Variants in PCCA observed in about 807,000 individuals in gnomAD.
The protein encoded by PCCA is propionyl-CoA carboxylase subunit alpha.
PCCA carries 74 observed loss-of-function variants against 101.3 expected under a neutral mutation model. The ratio of observed to expected loss-of-function variants is 0.73; its 90% CI spans 0.61 to 0.89. PCCA has a LOEUF of 0.89. Ranked by LOEUF, PCCA falls within the 40% of genes least tolerant of loss-of-function variation. PCCA has a pLI of 0.00. For synonymous variants in PCCA, 294 were observed against 313.6 expected, an observed-to-expected ratio of 0.94 and a Z score of 0.66; for missense variants, 891 against 907.0, an observed-to-expected ratio of 0.98 and a Z score of 0.23.
At chr13:100,483,554 A>G (rs183676548) in intron 21 of PCCA, among the ~76,000 whole-genome samples, 50 of 152,346 alleles carry the variant, frequency 3.3e-4, no homozygotes, top group Admixed American at 1.6e-3. Flanking sequence ...AGAATAAACT[A>G]TACCGCCCTC....
At chr13:100,458,215 C>T (rs1302984378) in intron 21 of PCCA, among the ~76,000 whole-genome samples, 1 of 151,498 alleles carries the variant, frequency 6.6e-6, no homozygotes, top group Admixed American at 6.6e-5. Context: ...TGGCTCATGC[C>T]TGTAATCCCA....
At chr13:100,348,149 G>T (rs1473773222) in intron 18 of PCCA, among the ~76,000 whole-genome samples, 8 of 152,148 alleles carry the variant, frequency 5.3e-5, no homozygotes, top group Admixed American at 2.0e-4. Context: ...TTTGTCATGG[G>T]TGTGTCCGTG....
intron 4 of PCCA, among the ~76,000 whole-genome samples, chr13:100,152,031 GACA>G (rs1007102958): frequency 1.1e-4 from 16 of 152,256 alleles, no homozygotes; most frequent in Admixed American, 1.0e-3. Context: ...ATACAACAAT[GACA>G]ACAAAATTGA....
chr13:100,247,515 CTTTT>C (rs147450398), intron 8 of PCCA, among the ~76,000 whole-genome samples: 7 of 123,664 alleles, frequency 5.7e-5, no homozygotes, highest in Non-Finnish European at 8.3e-5. Context: ...CGTGCCCGGC[CTTTT>C]TTTTTTTTTT....
chr13:100,140,869 G>A (rs1370520368), intron 4 of PCCA, among the ~76,000 whole-genome samples: 1 of 152,156 alleles, frequency 6.6e-6, no homozygotes, highest in African/African-American at 2.4e-5. Flanking sequence ...TGTATACTAT[G>A]TTGTGTATCC....
intron 4 of PCCA, among the ~76,000 whole-genome samples, chr13:100,125,982 T>C (rs1269639835): frequency 6.6e-6 from 1 of 152,140 alleles, no homozygotes; most frequent in African/African-American, 2.4e-5. Context: ...GCTGTAGTGT[T>C]AGTGGTGGGG....
chr13:100,355,726 C>T (rs2073891376), intron 18 of PCCA, among the ~76,000 whole-genome samples: 1 of 152,138 alleles, frequency 6.6e-6, no homozygotes, highest in East Asian at 1.9e-4. Context: ...AACTGATCTA[C>T]AGATTCAGCA....
At chr13:100,205,767 GT>G (rs2058814899) in intron 6 of PCCA, among the ~76,000 whole-genome samples, 1 of 151,980 alleles carries the variant, frequency 6.6e-6, no homozygotes, top group Admixed American at 6.6e-5. Flanking sequence ...TGGCATAGTC[GT>G]TTTTAAAGCA....
chr13:100,385,802 G>A (rs1048468010), intron 19 of PCCA, among the ~76,000 whole-genome samples: 52 of 152,146 alleles, frequency 3.4e-4, no homozygotes, highest in African/African-American at 1.2e-3. Context: ...TATAGAGACA[G>A]GGTTTCACCA....
At chr13:100,468,476 C>T (rs998898136) in intron 21 of PCCA, among the ~76,000 whole-genome samples, 6 of 152,348 alleles carry the variant, frequency 3.9e-5, no homozygotes, top group East Asian at 1.9e-4. Context: ...CCACCTTCAT[C>T]GGTGATCTTA....
rs182072969 is a variant in PCCA at position 100,143,257 on chromosome 13, C to T, written c.301-11722C>T. Among the ~76,000 whole-genome samples, 1,063 of 152,056 alleles carry T rather than the reference C, an allele frequency of 7.0e-3. 15 individuals are homozygous for T. The highest frequency in any genetic ancestry group is 0.015 in the African/African-American group (637 of 41,476). On this transcript the variant is annotated intron_variant, in intron 4 of 23. Coordinates refer to ENST00000376285, the MANE Select transcript of PCCA (RefSeq NM_000282.4). ...GAGTTAAAATATCTTTGGCCAGGTG[C>T]GGTGGCTCATGCCTGTAATCCCAGC...
intron 8 of PCCA, among the ~76,000 whole-genome samples, chr13:100,248,237 G>C (rs2061560376): frequency 6.6e-6 from 1 of 151,714 alleles, no homozygotes; most frequent in Non-Finnish European, 1.5e-5. Flanking sequence ...TCTACTTTTT[G>C]GGGGTTTTGT....
intron 4 of PCCA, chr13:100,151,103 T>TA (rs1360606758): frequency 7.5e-7 from 1 of 1,334,308 alleles, no homozygotes; most frequent in Non-Finnish European, 1.1e-6. Context: ...CATCTTGGCT[T>TA]ACCTGATGGC....
chr13:100,268,904 C>G, intron 11 of PCCA, 121 bp downstream of exon 11: 1 of 784,566 alleles, frequency 1.3e-6, no homozygotes, highest in Admixed American at 2.0e-5. Flanking sequence ...GTTGCCCAGG[C>G]AGTGGTGCAA....
At chr13:100,242,679 A>G (rs2061213079) in intron 8 of PCCA, among the ~76,000 whole-genome samples, 2 of 152,220 alleles carry the variant, frequency 1.3e-5, no homozygotes, top group African/African-American at 4.8e-5. Context: ...AATAACAAAC[A>G]GGAGCAATAT....
chr13:100,505,102 G>A (rs1376096817), intron 21 of PCCA, among the ~76,000 whole-genome samples: 4 of 152,132 alleles, frequency 2.6e-5, no homozygotes, highest in Admixed American at 6.5e-5. Context: ...CTGCTGCCTC[G>A]CAGCCTGGAG....
At chr13:100,443,920 C>T (rs1310561090) in intron 20 of PCCA, among the ~76,000 whole-genome samples, 1 of 152,038 alleles carries the variant, frequency 6.6e-6, no homozygotes, top group African/African-American at 2.4e-5. Context: ...TCGTCCTTCC[C>T]CATTCTATGT....
At chr13:100,290,369 G>A (rs1008496712) in intron 12 of PCCA, among the ~76,000 whole-genome samples, 1 of 151,834 alleles carries the variant, frequency 6.6e-6, no homozygotes, top group Non-Finnish European at 1.5e-5. Flanking sequence ...ATGCTGCCAC[G>A]CCTGGCTAAT....
chr13:100,154,923 T>C (rs1229415091), intron 4 of PCCA, 56 bp from the exon 5 acceptor site: 10 of 1,114,350 alleles, frequency 9.0e-6, no homozygotes, highest in South Asian at 7.4e-5. Context: ...TATTTGCAGA[T>C]GATGGTAATT....
Sources: allele counts gnomAD v4.1 joint callset (sites outside exome capture counted in the v4.1 genomes callset), GRCh38; gene constraint gnomAD v4.1.1; transcripts MANE v1.5; gene names NCBI Gene and HGNC (gene_info 2026-07-23, HGNC 2026-07-21).